Variants in MIR2052HG observed in about 807,000 individuals in gnomAD.
MIR2052HG encodes the protein MIR2052 host gene.
rs188961387 is a variant in MIR2052HG at position 74,641,955 on chromosome 8, T to C, written n.216+29015T>C. Among the ~76,000 whole-genome samples, 181 of 152,224 alleles carry C rather than the reference T, an allele frequency of 1.2e-3. 1 individual carries two copies. The highest frequency in any genetic ancestry group is 3.9e-3 in the African/African-American group (164 of 41,536). On this transcript the variant is annotated intron_variant and non_coding_transcript_variant, in intron 2 of 6. Transcript: ENST00000523442. ...GCAGATGCCTGGGCCCAGAAGGCAT[T>C]GAGTGCTGCTGGTGAGGCAGTACAG...
intron 2 of MIR2052HG, among the ~76,000 whole-genome samples, chr8:74,702,052 T>A (rs543753794): frequency 2.0e-5 from 3 of 152,200 alleles, no homozygotes; most frequent in Admixed American, 2.0e-4. Context: ...TGTTTGCTTC[T>A]AATGGAAATA....
At chr8:74,635,706 G>A (rs983216229) in intron 2 of MIR2052HG, among the ~76,000 whole-genome samples, 2 of 152,112 alleles carry the variant, frequency 1.3e-5, no homozygotes, top group African/African-American at 4.8e-5. Context: ...ATCAATCTAT[G>A]TCATCATGAC....
At chr8:74,614,795 G>A (rs62521624) in intron 2 of MIR2052HG, among the ~76,000 whole-genome samples, 3,778 of 151,046 alleles carry the variant, frequency 0.025, 73 homozygotes, top group Non-Finnish European at 0.04. Flanking sequence ...ATATAGGGTG[G>A]ATGAATATTT....
chr8:74,640,916 G>A (rs1347235844), intron 2 of MIR2052HG, among the ~76,000 whole-genome samples: 1 of 152,178 alleles, frequency 6.6e-6, no homozygotes, highest in Non-Finnish European at 1.5e-5. Context: ...GCTTGTTTAA[G>A]GTCATTAAAA....
At chr8:74,633,524 C>T (rs1808545245) in intron 2 of MIR2052HG, among the ~76,000 whole-genome samples, 2 of 152,210 alleles carry the variant, frequency 1.3e-5, no homozygotes, top group African/African-American at 2.4e-5. Context: ...TCACAAGGCT[C>T]CTCCTCAGAA....
At chr8:74,754,844 T>C (rs902123733) in intron 5 of MIR2052HG, among the ~76,000 whole-genome samples, 4 of 152,212 alleles carry the variant, frequency 2.6e-5, no homozygotes, top group South Asian at 2.1e-4. Flanking sequence ...CCACTGAAAT[T>C]TTTATTATTT....
At chr8:74,683,994 C>G (rs1177504498) in intron 2 of MIR2052HG, among the ~76,000 whole-genome samples, 1 of 152,050 alleles carries the variant, frequency 6.6e-6, no homozygotes, top group Non-Finnish European at 1.5e-5. Context: ...CTTCATTTCT[C>G]TTGCTTTGTC....
intron 5 of MIR2052HG, among the ~76,000 whole-genome samples, chr8:74,753,516 C>G (rs999687051): frequency 2.0e-5 from 3 of 152,140 alleles, no homozygotes; most frequent in African/African-American, 7.2e-5. Context: ...TGACTGTGTT[C>G]TGTTACATTC....
At chr8:74,613,391 A>T (rs1808228742) in intron 2 of MIR2052HG, among the ~76,000 whole-genome samples, 1 of 152,206 alleles carries the variant, frequency 6.6e-6, no homozygotes, top group East Asian at 1.9e-4. Context: ...CATGTGTTTT[A>T]GGCCAGTGAC....
chr8:74,685,243 A>C (rs1187871907), intron 2 of MIR2052HG, among the ~76,000 whole-genome samples: 1 of 152,128 alleles, frequency 6.6e-6, no homozygotes, highest in Non-Finnish European at 1.5e-5. Flanking sequence ...AATATGGCTA[A>C]GATATAATTT....
chr8:74,657,912 G>T (rs773023373), intron 2 of MIR2052HG, among the ~76,000 whole-genome samples: 14 of 152,012 alleles, frequency 9.2e-5, no homozygotes, highest in Admixed American at 4.6e-4. Context: ...ATTTTCACAA[G>T]ATCCCTAGGT....
At chr8:74,679,395 C>T (rs529727992) in intron 2 of MIR2052HG, among the ~76,000 whole-genome samples, 93 of 152,150 alleles carry the variant, frequency 6.1e-4, no homozygotes, top group African/African-American at 2.2e-3. Context: ...GTCTCCAACT[C>T]CATCCAGGTG....
At chr8:74,746,152 G>A (rs771103374) in intron 4 of MIR2052HG, among the ~76,000 whole-genome samples, 1 of 152,098 alleles carries the variant, frequency 6.6e-6, no homozygotes, top group Non-Finnish European at 1.5e-5. Flanking sequence ...TCAATCACTC[G>A]CAATGTATTA....
chr8:74,748,778 C>T (rs1809913252), intron 4 of MIR2052HG, among the ~76,000 whole-genome samples: 1 of 152,174 alleles, frequency 6.6e-6, no homozygotes, highest in African/African-American at 2.4e-5. Context: ...CTGTGAAGAA[C>T]TGCTGTGGAG....
At chr8:74,642,793 A>G (rs1316275243) in intron 2 of MIR2052HG, among the ~76,000 whole-genome samples, 7 of 152,188 alleles carry the variant, frequency 4.6e-5, no homozygotes, top group Non-Finnish European at 7.3e-5. Flanking sequence ...CAGGTTAAAC[A>G]ACCTGATGCT....
At chr8:74,649,043 G>A (rs1808724289) in intron 2 of MIR2052HG, among the ~76,000 whole-genome samples, 1 of 151,802 alleles carries the variant, frequency 6.6e-6, no homozygotes, top group African/African-American at 2.4e-5. Flanking sequence ...ATATGAATAG[G>A]AGACAGAAGT....
At chr8:74,630,969 T>G (rs1421330033) in intron 2 of MIR2052HG, among the ~76,000 whole-genome samples, 4 of 152,268 alleles carry the variant, frequency 2.6e-5, no homozygotes, top group Non-Finnish European at 4.4e-5. Flanking sequence ...TGCTCTCATC[T>G]ATGCTTAAAT....
chr8:74,692,355 G>T (rs1586915319), intron 2 of MIR2052HG, among the ~76,000 whole-genome samples: 1 of 152,144 alleles, frequency 6.6e-6, no homozygotes, highest in South Asian at 2.1e-4. Context: ...GCCTCCCAAA[G>T]TGCCCAGCCT....
intron 4 of MIR2052HG, among the ~76,000 whole-genome samples, chr8:74,729,804 T>A (rs1809672272): frequency 6.6e-6 from 1 of 152,136 alleles, no homozygotes; most frequent in South Asian, 2.1e-4. Context: ...AGCTTCCTCT[T>A]ACCTCCATCA....
Sources: allele counts gnomAD v4.1 joint callset (sites outside exome capture counted in the v4.1 genomes callset), GRCh38; gene constraint gnomAD v4.1.1; transcripts MANE v1.5; gene names NCBI Gene and HGNC (gene_info 2026-07-23, HGNC 2026-07-21).